The following SLC52A3 variants were observed in gnomAD, a reference collection of about 807,000 sequenced individuals.
SLC52A3 encodes the protein solute carrier family 52, riboflavin transporter, member 3.
SLC52A3 carries 20 observed loss-of-function variants against 29.5 expected under a neutral mutation model. That is an observed-to-expected ratio of 0.68 (90% CI 0.48 to 0.99). The LOEUF is 0.99. SLC52A3 is among the 50% of genes least tolerant of loss of function. SLC52A3 has a pLI of 0.00. For synonymous variants in SLC52A3, 301 were observed against 271.0 expected, an observed-to-expected ratio of 1.11 and a Z score of -1.09; for missense variants, 548 against 612.9, an observed-to-expected ratio of 0.89 and a Z score of 1.12.
chr20:767,525 T>A (rs1670643849), intron 1 of SLC52A3, among the ~76,000 whole-genome samples: 1 of 151,912 alleles, frequency 6.6e-6, no homozygotes, highest in Admixed American at 6.6e-5. Flanking sequence ...CCAGCTAATT[T>A]TTTGTATTTT....
At chr20:776,593 T>A (rs2122559996), upstream of SLC52A3, among the ~76,000 whole-genome samples, 1 of 152,308 alleles carries the variant, frequency 6.6e-6, no homozygotes. Flanking sequence ...TGATGCACAC[T>A]GAGCTACCCT....
chr20:761,861 G>A, intron 3 of SLC52A3, 37 bp from the exon 4 acceptor site: 12 of 1,613,884 alleles, frequency 7.4e-6, no homozygotes, highest in Non-Finnish European at 8.5e-6. Flanking sequence ...GAGGTGAGAA[G>A]CCTGACCTCT....
intron 1 of SLC52A3, among the ~76,000 whole-genome samples, chr20:774,664 C>T (rs569601464): frequency 2.0e-5 from 3 of 152,240 alleles, no homozygotes; most frequent in South Asian, 2.1e-4. Context: ...GCAGCTGGGG[C>T]GCTGGGAGCC....
chr20:775,926 GC>G (rs1987005309), intron 1 of SLC52A3: 1 of 152,876 alleles, frequency 6.5e-6, no homozygotes, highest in African/African-American at 2.4e-5. Flanking sequence ...ACCCTCACAG[GC>G]CTGAGCCGCC....
chr20:775,268 CTTTTTTTTTTTTT>C (rs57095806), intron 1 of SLC52A3, among the ~76,000 whole-genome samples: 4 of 133,556 alleles, frequency 3.0e-5, no homozygotes, highest in Non-Finnish European at 3.2e-5. Flanking sequence ...GGGGCCCAGT[CTTTTTTTTTTTTT>C]TTTTTTTTTT....
chr20:766,739 G>A (rs1245095013), intron 1 of SLC52A3, among the ~76,000 whole-genome samples: 1 of 152,154 alleles, frequency 6.6e-6, no homozygotes, highest in Non-Finnish European at 1.5e-5. Flanking sequence ...GAAATAAACA[G>A]CCTTGTTGCT....
chr20:763,831 C>G lies in SLC52A3; in HGVS notation c.740G>C (p.Cys247Ser). 1 of 1,614,128 alleles carries G rather than the reference C, an allele frequency of 6.2e-7. No homozygotes were observed. Among genetic ancestry groups the G allele is most frequent in the Non-Finnish European group, 8.5e-7 (1 of 1,180,000 alleles). The change falls in exon 3 of 5, where the codon TGC becomes TCC. Residue 247 changes from cysteine (C) to serine (S), a missense_variant. Around this residue, in one of 2 missense-constraint regions of SLC52A3, gnomAD observed 375 missense variants for 471.1 expected, o/e 0.80. Coordinates refer to ENST00000645534, the MANE Select transcript of SLC52A3 (RefSeq NM_033409.4). ...AFFVLQRQPR[C>S]WEASVEDLLN... Reference sequence around the variant, plus strand: ...GAGGTCTTCCACGGAAGCCTCCCAGCACCTGGGTTGACGCTGGAGGACAAA... The same window carrying G: ...GAGGTCTTCCACGGAAGCCTCCCAGGACCTGGGTTGACGCTGGAGGACAAA...
chr20:768,826 G>T (rs1337671751), upstream of SLC52A3, among the ~76,000 whole-genome samples: 1 of 152,210 alleles, frequency 6.6e-6, no homozygotes, highest in African/African-American at 2.4e-5. Flanking sequence ...GAGGACCCAA[G>T]GAGGGAGGGG....
chr20:772,346 C>T (rs550934367), upstream of SLC52A3, among the ~76,000 whole-genome samples: 2 of 152,318 alleles, frequency 1.3e-5, no homozygotes, highest in East Asian at 3.9e-4. Flanking sequence ...GGTGTGTCCC[C>T]ACGTGACCCA....
rs142019192 is a variant in SLC52A3, at chr20:763,974, G to A, written c.597C>T (p.Leu199=). Residue 199 remains leucine, a synonymous_variant, in exon 3 of 5, where the codon CTC becomes CTT. Coordinates refer to ENST00000645534, the MANE Select transcript of SLC52A3 (RefSeq NM_033409.4). ...GGGACAAGGGTGCTTCCATTCCGGG[G>A]AGGGCGGACACCAAAGCTCTGGGAA... ...QGVPRALVSA[L]PGMEAPLSHL... 2.8e-5 allele frequency: 44 copies of A among 1,597,510 alleles called. No individual in the cohort carries two copies. The African/African-American group carries it at 4.2e-4, about 15-fold the overall frequency.
At position 761,849 on chromosome 20, in the gene SLC52A3, T is replaced by C. The variant is rs1022712753; in HGVS notation, c.1074-25A>G. 2.5e-6 allele frequency: 4 copies of C among 1,613,276 alleles called. No homozygotes were observed. The Admixed American group carries it at 5.0e-5, about 20-fold the overall frequency. ...CCTAGAGGAAAGTAGGGGAGGTGAGTGGAGGTGAGAAGCCTGACCTCTGAC... is the reference window on the plus strand; with the variant it reads ...CCTAGAGGAAAGTAGGGGAGGTGAGCGGAGGTGAGAAGCCTGACCTCTGAC... On this transcript the variant is annotated intron_variant, in intron 3 of 4. Transcript: ENST00000645534.
chr20:763,636 G>A lies in SLC52A3; in HGVS notation c.935C>T (p.Ala312Val), dbSNP rs752218005. Residue 312 changes from alanine to valine, a missense_variant, in exon 3 of 5, where the codon GCG (alanine) becomes GTG (valine). Ala to Val is a moderately conservative substitution (Grantham distance 64). This residue lies in a region of SLC52A3 where 375 missense variants were observed against 471.1 expected (regional missense o/e 0.80). Transcript: ENST00000645534. Reference sequence around the variant, plus strand: ...AGAGGGCAGCATGCCGTTGGTGAGCGCGTTGACGAAGGCCACCAGGGTATA... The same window carrying A: ...AGAGGGCAGCATGCCGTTGGTGAGCACGTTGACGAAGGCCACCAGGGTATA... ...FIYTLVAFVNALTNGMLPSVQ... is the reference protein window; with the variant it reads ...FIYTLVAFVNVLTNGMLPSVQ... The A allele has an allele frequency of 2.4e-5, 38 of 1,614,094 alleles. No homozygotes were observed. Among genetic ancestry groups the A allele is most frequent in the Non-Finnish European group, 2.8e-5 (33 of 1,180,038 alleles).
chr20:770,572 C>A (rs903404017), upstream of SLC52A3, among the ~76,000 whole-genome samples: 1 of 152,180 alleles, frequency 6.6e-6, no homozygotes, highest in South Asian at 2.1e-4. The surrounding 1 kb of genome is among the most constrained non-coding windows in gnomAD (Gnocchi z 4.5). Context: ...ATTCATCAAA[C>A]GAATCTTTGG....
chr20:767,401 G>T (rs576462679), intron 1 of SLC52A3, among the ~76,000 whole-genome samples: 40 of 151,770 alleles, frequency 2.6e-4, no homozygotes, highest in Non-Finnish European at 4.1e-4. Flanking sequence ...CTGTCACCAG[G>T]CTGGAGTGAA....
chr20:778,137 T>C (rs1257457153), upstream of SLC52A3, among the ~76,000 whole-genome samples: 1 of 150,494 alleles, frequency 6.6e-6, no homozygotes, highest in African/African-American at 2.4e-5. Context: ...TGCCACAGCC[T>C]CCCAAGTAAC....
Position 763,774 on chromosome 20 carries a change from C to T in SLC52A3, c.797G>A (p.Arg266Gln), listed in dbSNP as rs768105926. Residue 266 changes from arginine to glutamine, a missense_variant, in exon 3 of 5, where the codon CGG (arginine) becomes CAG (glutamine). Transcript: ENST00000645534. ...GCCCAAGTCATTCTCTTCCCGCGGCCGGATGGAGTGGAGGGTGACCTGGTC... is the reference window on the plus strand; with the variant it reads ...GCCCAAGTCATTCTCTTCCCGCGGCTGGATGGAGTGGAGGGTGACCTGGTC... ...LNDQVTLHSI[R>Q]PREENDLGPA... 6.8e-6 allele frequency: 11 copies of T among 1,613,984 alleles called. No homozygotes were observed. Among genetic ancestry groups the T allele is most frequent in the East Asian group, 6.7e-5 (3 of 44,892 alleles).
At chr20:779,589 A>G (rs893786238), upstream of SLC52A3, among the ~76,000 whole-genome samples, 1 of 152,218 alleles carries the variant, frequency 6.6e-6, no homozygotes, top group African/African-American at 2.4e-5. Flanking sequence ...ACTGCACTCC[A>G]GGCTGGGCGA....
chr20:763,673 G>A lies in SLC52A3; in HGVS notation c.898C>T (p.Leu300=). ...GCCACCAGGGTATAGATGAAGGCCA[G>A]GTGCGCCGGGCAGCAGGGGGCTGCT... ...EKAAPCCPAH[L]AFIYTLVAFV... The change falls in exon 3 of 5, where the codon CTG becomes TTG. Residue 300 remains leucine (L), a synonymous_variant. Coordinates refer to ENST00000645534, the MANE Select transcript of SLC52A3 (RefSeq NM_033409.4). The A allele has an allele frequency of 1.2e-6, 2 of 1,614,212 alleles. No homozygotes were observed. The highest frequency in any genetic ancestry group is 1.1e-5 in the South Asian group (1 of 91,084).
At chr20:779,914 G>C (rs1019545291), upstream of SLC52A3, among the ~76,000 whole-genome samples, 8 of 152,186 alleles carry the variant, frequency 5.3e-5, no homozygotes, top group Non-Finnish European at 1.2e-4. Flanking sequence ...GCTGAGGCTA[G>C]CCGTGGAATT....
Sources: allele counts gnomAD v4.1 joint callset (sites outside exome capture counted in the v4.1 genomes callset), GRCh38; gene constraint gnomAD v4.1.1; regional missense constraint gnomAD v4.1.1; non-coding constraint Gnocchi (gnomAD v3.1); transcripts MANE v1.5; gene names NCBI Gene and HGNC (gene_info 2026-07-23, HGNC 2026-07-21).